EGF: variants seen among roughly 807,000 people sequenced by gnomAD.
EGF encodes epidermal growth factor.
EGF carries 95 observed loss-of-function variants against 143.8 expected under a neutral mutation model. That is an observed-to-expected ratio of 0.66 (90% CI 0.56 to 0.78). The LOEUF is 0.78. EGF is among the 30% of genes least tolerant of loss of function. The pLI is 0.00. For missense variants in EGF, 1,320 were observed against 1,470.9 expected, an observed-to-expected ratio of 0.90 and a Z score of 1.68; for synonymous variants, 510 against 510.5, an observed-to-expected ratio of 1.00 and a Z score of 0.01.
At chr4:109,969,696 G>A (rs11568984) in intron 11 of EGF, among the ~76,000 whole-genome samples, 21 of 152,194 alleles carry the variant, frequency 1.4e-4, no homozygotes, top group Admixed American at 1.4e-3. Flanking sequence ...AAGCATTCTC[G>A]GAGCATCTGC....
intron 2 of EGF, among the ~76,000 whole-genome samples, chr4:109,941,384 C>G (rs1327760162): frequency 6.6e-6 from 1 of 152,066 alleles, no homozygotes. Context: ...TTGAAAATAT[C>G]TGAGTTTATT....
At chr4:109,993,427 A>G in intron 19 of EGF, 58 bp downstream of exon 19, 10 of 1,604,088 alleles carry the variant, frequency 6.2e-6, no homozygotes, top group East Asian at 4.5e-5. Context: ...GATATTCTAT[A>G]CCCTAATCTC....
At chr4:109,962,061 T>C (rs1745794696) in intron 8 of EGF, 76 bp downstream of exon 8, 1 of 1,599,102 alleles carries the variant, frequency 6.3e-7, no homozygotes, top group Non-Finnish European at 8.6e-7. Context: ...AAAATTGATC[T>C]TGTTGTCAAG....
intron 1 of EGF, among the ~76,000 whole-genome samples, chr4:109,935,289 T>C (rs1740563983): frequency 6.6e-6 from 1 of 152,194 alleles, no homozygotes; most frequent in Non-Finnish European, 1.5e-5. Flanking sequence ...CCCTTATAAG[T>C]TGGATTCCTA....
rs1404201541 is a variant in EGF at position 109,959,417 on chromosome 4, G to A, written c.1046G>A (p.Arg349Gln). 1.2e-5 allele frequency: 19 copies of A among 1,612,846 alleles called. No individual in the cohort carries two copies. The highest frequency in any genetic ancestry group is 2.2e-5 in the South Asian group (2 of 91,070). Residue 349 changes from arginine (R) to glutamine (Q), a missense_variant, in exon 6 of 24, where the codon CGA becomes CAA. Coordinates refer to ENST00000265171, the MANE Select transcript of EGF (RefSeq NM_001963.6). ...TGTGCAGAGGGATACGCCCTAAGTC[G>A]AGACCGGAAGTACTGTGAAGGTAAT... ...CMCAEGYALS[R>Q]DRKYCEDVNE...
In EGF at chr4:110,012,811, T is replaced by C. The variant is rs749675346; in HGVS notation, c.*1356T>C. Among the ~76,000 whole-genome samples, 38 of 152,246 alleles carry C rather than the reference T, an allele frequency of 2.5e-4. No homozygotes were observed. Among genetic ancestry groups the C allele is most frequent in the Non-Finnish European group, 2.4e-4 (16 of 68,036 alleles). Reference sequence around the variant, plus strand: ...TTTCTTGCAGCCAAGATATTGTTACTACAGATAACACAACCTGATATGGTA... The same window carrying C: ...TTTCTTGCAGCCAAGATATTGTTACCACAGATAACACAACCTGATATGGTA... On this transcript the variant is annotated 3_prime_UTR_variant, in exon 24 of 24. Transcript: ENST00000265171.
chr4:109,939,501 G>A (rs921907631), intron 1 of EGF, among the ~76,000 whole-genome samples: 1 of 152,240 alleles, frequency 6.6e-6, no homozygotes, highest in African/African-American at 2.4e-5. Context: ...CTTCCCACAT[G>A]AGGCAACACC....
intron 22 of EGF, among the ~76,000 whole-genome samples, chr4:110,007,807 C>G (rs11569118): frequency 0.017 from 2,568 of 152,224 alleles, 69 homozygotes; most frequent in African/African-American, 0.059. Flanking sequence ...TATTATTTGC[C>G]TGGCCTATGG....
chr4:110,013,326 C>T lies in EGF; in HGVS notation c.*1871C>T, dbSNP rs1488362568. On this transcript the variant is annotated 3_prime_UTR_variant, in exon 24 of 24. Coordinates refer to ENST00000265171, the MANE Select transcript of EGF (RefSeq NM_001963.6). ...GATGACAAAAGAAATGACATGAGAA[C>T]ACGGCTACCCATAACATACCATTAT... is the stretch of plus-strand genomic sequence containing the variant. Among the ~76,000 whole-genome samples the T allele has an allele frequency of 1.3e-5, 2 of 152,064 alleles. No homozygotes were observed. The highest frequency in any genetic ancestry group is 2.9e-5 in the Non-Finnish European group (2 of 68,018).
At chr4:109,967,061 T>C (rs1746720203) in intron 10 of EGF, among the ~76,000 whole-genome samples, 1 of 152,224 alleles carries the variant, frequency 6.6e-6, no homozygotes, top group South Asian at 2.1e-4. Flanking sequence ...TTCCCATTTG[T>C]ATATCTTTGT....
At chr4:109,990,722 C>G (rs1750814048) in intron 18 of EGF, among the ~76,000 whole-genome samples, 1 of 152,148 alleles carries the variant, frequency 6.6e-6, no homozygotes, top group South Asian at 2.1e-4. Flanking sequence ...TCCTGGCTTG[C>G]AGATGGCCAC....
Position 110,011,816 on chromosome 4 carries a change from T to C in EGF, c.*361T>C, listed in dbSNP as rs542979630. ...TAGGGGTTAAAGCAGACAGTCACAC[T>C]GGTTTGGTCAGTTACAAAGTAATTT... On this transcript the variant is annotated 3_prime_UTR_variant, in exon 24 of 24. Transcript: ENST00000265171. 106 of 334,932 alleles carry C rather than the reference T, an allele frequency of 3.2e-4. 1 individual carries two copies. Among genetic ancestry groups the C allele is most frequent in the Non-Finnish European group, 5.4e-4 (94 of 175,246 alleles). 20.7% of individuals were successfully genotyped at this position (334,932 alleles called of 1,614,324 possible). A position where few individuals can be genotyped will look rare whatever the true frequency, so the allele number is the denominator to read the frequency against.
At chr4:109,923,099 T>A (rs1738071220) in intron 1 of EGF, among the ~76,000 whole-genome samples, 1 of 151,472 alleles carries the variant, frequency 6.6e-6, no homozygotes, top group Admixed American at 6.6e-5. Context: ...AAACTCCCCA[T>A]TAATTATTTT....
intron 19 of EGF, among the ~76,000 whole-genome samples, chr4:109,993,940 G>T (rs1253096607): frequency 2.0e-5 from 3 of 151,920 alleles, no homozygotes; most frequent in African/African-American, 4.8e-5. Context: ...ACCAGGATGG[G>T]GGTCTTTCCC....
intron 1 of EGF, among the ~76,000 whole-genome samples, chr4:109,934,942 C>G (rs189267073): frequency 2.0e-5 from 3 of 152,146 alleles, no homozygotes; most frequent in Admixed American, 2.0e-4. Context: ...GGTACCGGTA[C>G]CATGCTGTTT....
chr4:109,984,885 T>C (rs1749912865), intron 16 of EGF, among the ~76,000 whole-genome samples: 1 of 152,234 alleles, frequency 6.6e-6, no homozygotes, highest in Admixed American at 6.5e-5. Context: ...TAGCAATTTA[T>C]TTGGCATACA....
chr4:109,980,191 T>G, intron 14 of EGF, 52 bp downstream of exon 14: 1 of 1,535,008 alleles, frequency 6.5e-7, no homozygotes, highest in Non-Finnish European at 8.8e-7. Context: ...TCTGCAACTG[T>G]TTTAATTGTT....
Position 110,013,108 on chromosome 4 carries a change from A to T in EGF, c.*1653A>T, listed in dbSNP as rs1754138791. On this transcript the variant is annotated 3_prime_UTR_variant, in exon 24 of 24. Coordinates refer to ENST00000265171, the MANE Select transcript of EGF (RefSeq NM_001963.6). ...TTTTTCTATATTCGGTTTTGCTTTC[A>T]TTGACAATATCCTGGAGGATCAGAA... Among the ~76,000 whole-genome samples, 1 of 152,128 alleles carries T rather than the reference A, an allele frequency of 6.6e-6. No individual in the cohort carries two copies. Among genetic ancestry groups the T allele is most frequent in the Non-Finnish European group, 1.5e-5 (1 of 68,016 alleles).
In EGF at chr4:109,976,152, A is replaced by G. The variant is rs1468570396; in HGVS notation, c.1970A>G (p.Tyr657Cys). The G allele has an allele frequency of 1.9e-6, 3 of 1,614,036 alleles. No homozygotes were observed. Among genetic ancestry groups the G allele is most frequent in the Non-Finnish European group, 2.5e-6 (3 of 1,180,016 alleles). The change falls in exon 13 of 24, where the codon TAC becomes TGC. Residue 657 changes from tyrosine (Y) to cysteine (C), a missense_variant. Transcript: ENST00000265171. ...ATTGACTTCTTAACTGACAAGTTGT[A>G]CTGGTGCGATGCCAAGCAGTCTGTG... ...ITIDFLTDKL[Y>C]WCDAKQSVIE...
Sources: gnomAD v4.1 joint callset for allele counts (sites outside exome capture counted in the v4.1 genomes callset) on GRCh38, gnomAD v4.1.1 for gene constraint, MANE v1.5 for transcripts, NCBI Gene and HGNC (gene_info 2026-07-23, HGNC 2026-07-21) for gene names.